The following ATP10B variants were observed in gnomAD, a reference collection of about 807,000 sequenced individuals.
ATP10B encodes phospholipid-transporting ATPase VB.
A neutral mutation model predicts 141.2 loss-of-function variants in ATP10B; 122 were observed. The ratio of observed to expected loss-of-function variants is 0.86; its 90% CI spans 0.75 to 1.00. The LOEUF is 1.00. ATP10B is among the 50% of genes least tolerant of loss of function. The pLI is 0.00. For synonymous variants in ATP10B, 685 were observed against 692.0 expected, an observed-to-expected ratio of 0.99 and a Z score of 0.16; for missense variants, 1,876 against 1,825.3, an observed-to-expected ratio of 1.03 and a Z score of -0.51.
At chr5:160,893,947 A>AG in the ATP10B span, among the ~76,000 whole-genome samples, 1 of 152,208 alleles carries the variant, frequency 6.6e-6, no homozygotes, top group Non-Finnish European at 1.5e-5. Context: ...CCTGCAGCAG[A>AG]GGGGGCTGAC....
chr5:160,616,897 G>T (rs141546553), intron 16 of ATP10B, among the ~76,000 whole-genome samples: 20 of 152,300 alleles, frequency 1.3e-4, no homozygotes, highest in African/African-American at 4.8e-4. Context: ...TGTCCCAGGT[G>T]CTGCACATGT....
chr5:160,828,843 G>A (rs1193618399), intron 1 of ATP10B, among the ~76,000 whole-genome samples: 1 of 151,098 alleles, frequency 6.6e-6, no homozygotes, highest in South Asian at 2.1e-4. Flanking sequence ...TTAAGAAAAT[G>A]TGGCACATAT....
At chr5:160,868,657 A>G in the ATP10B span, among the ~76,000 whole-genome samples, 2 of 152,180 alleles carry the variant, frequency 1.3e-5, no homozygotes, top group South Asian at 2.1e-4. Context: ...GGACAAATCA[A>G]TAGCATGATG....
Position 160,563,628 on chromosome 5 carries a change from A to G in ATP10B, c.*1825T>C, listed in dbSNP as rs1754376596. 6.6e-6 allele frequency: 1 copy of G among 152,314 alleles called. No individual in the cohort carries two copies. The highest frequency in any genetic ancestry group is 2.1e-4 in the South Asian group (1 of 4,820). The allele number at this position is 152,314 out of a possible 1,614,324, so 9.4% of individuals were successfully genotyped here. On this transcript the variant is annotated 3_prime_UTR_variant, in exon 26 of 26. Transcript: ENST00000327245. ...CTATGTCAAGCCTGGGAAGAAAGGCAGTTCTAATCAACTTGCAGGTGTGGC... is the reference window on the plus strand; with the variant it reads ...CTATGTCAAGCCTGGGAAGAAAGGCGGTTCTAATCAACTTGCAGGTGTGGC...
chr5:160,769,574 T>C (rs1368245072), intron 2 of ATP10B, among the ~76,000 whole-genome samples: 1 of 148,394 alleles, frequency 6.7e-6, no homozygotes, highest in Non-Finnish European at 1.5e-5. Flanking sequence ...TGCTCTTCCC[T>C]AGGTACTAAG....
At chr5:160,600,705 G>T (rs921926921) in intron 21 of ATP10B, among the ~76,000 whole-genome samples, 1 of 152,202 alleles carries the variant, frequency 6.6e-6, no homozygotes. Flanking sequence ...TTTGTACCTT[G>T]CAGGGAGTGC....
intron 2 of ATP10B, among the ~76,000 whole-genome samples, chr5:160,757,159 T>G (rs1768678521): frequency 6.6e-6 from 1 of 152,230 alleles, no homozygotes; most frequent in African/African-American, 2.4e-5. Flanking sequence ...TTTTTACATA[T>G]GACTATTCAA....
chr5:160,643,608 C>T (rs1760044125), intron 9 of ATP10B, among the ~76,000 whole-genome samples: 1 of 152,090 alleles, frequency 6.6e-6, no homozygotes, highest in South Asian at 2.1e-4. Flanking sequence ...TATATGGAGC[C>T]ATAAAATAAA....
In ATP10B at chr5:160,717,034, T is replaced by C. The variant is rs900412879; in HGVS notation, c.-330A>G. 1.0e-6 allele frequency: 1 copy of C among 985,306 alleles called. No individual in the cohort carries two copies. Among genetic ancestry groups the C allele is most frequent in the South Asian group, 4.7e-5 (1 of 21,296 alleles). The allele number at this position is 985,306 out of a possible 1,614,324, so 61.0% of individuals were successfully genotyped here. A position where few individuals can be genotyped will look rare whatever the true frequency, so the allele number is the denominator to read the frequency against. The stretch of plus-strand genomic sequence containing the variant: ...TTGTTGATCAGAATAAATTGCAAGT[T>C]CTGTAAGCAAGAAAAGAAAATATTG... On this transcript the variant is annotated splice_region_variant and 5_prime_UTR_variant, in exon 3 of 26. Transcript: ENST00000327245.
chr5:160,589,270 C>CCA (rs1018845367), intron 24 of ATP10B, among the ~76,000 whole-genome samples: 65 of 152,286 alleles, frequency 4.3e-4, no homozygotes, highest in African/African-American at 1.5e-3. Context: ...CCTCGGCCTC[C>CCA]CAAAGTGCTG....
At chr5:160,597,976 G>A (rs1162513088) in intron 22 of ATP10B, among the ~76,000 whole-genome samples, 1 of 145,820 alleles carries the variant, frequency 6.9e-6, no homozygotes. Context: ...CATTGTGGAA[G>A]TCAGTGTGGG....
intron 2 of ATP10B, among the ~76,000 whole-genome samples, chr5:160,719,235 C>T (rs1450330297): frequency 1.3e-5 from 2 of 152,106 alleles, no homozygotes; most frequent in African/African-American, 4.8e-5. Flanking sequence ...CCTGTCTCTA[C>T]TAAAAATACA....
intron 10 of ATP10B, among the ~76,000 whole-genome samples, chr5:160,639,710 A>G (rs1032313236): frequency 6.6e-6 from 1 of 152,204 alleles, no homozygotes; most frequent in Non-Finnish European, 1.5e-5. Flanking sequence ...ATTTTTCCAC[A>G]GTCAGTGGGG....
At chr5:160,709,760 CT>C (rs1765254829) in intron 3 of ATP10B, among the ~76,000 whole-genome samples, 1 of 65,116 alleles carries the variant, frequency 1.5e-5, no homozygotes, top group African/African-American at 6.2e-5. Flanking sequence ...CCCTCCCCCC[CT>C]CCCCCGACCC....
chr5:160,796,129 G>T (rs1368724076), intron 1 of ATP10B, among the ~76,000 whole-genome samples: 1 of 152,072 alleles, frequency 6.6e-6, no homozygotes, highest in African/African-American at 2.4e-5. Context: ...AGATATGGAG[G>T]ACACCCTTAT....
At chr5:160,589,954 A>G (rs2287666) in intron 23 of ATP10B, among the ~76,000 whole-genome samples, 120,265 of 152,118 alleles carry the variant, frequency 0.79, 47,677 homozygotes, top group Middle Eastern at 0.87. Flanking sequence ...GACAGAATTC[A>G]TTGAGAGCCC....
In ATP10B at chr5:160,817,639, C is replaced by A. The variant is rs1007056096; in HGVS notation, c.-575-31836G>T. 1.4e-3 allele frequency among the ~76,000 whole-genome samples: 207 copies of A among 152,064 alleles called. 1 individual carries two copies. Among genetic ancestry groups the A allele is most frequent in the African/African-American group, 1.6e-3 (68 of 41,528 alleles). ...CCAATGACTTTCTTCACAGAATTGG[C>A]AAAAACTACTTTAAAGTTCATATGG... On this transcript the variant is annotated intron_variant, in intron 1 of 25. Transcript: ENST00000327245.
At chr5:160,676,608 G>C (rs1289881473) in intron 6 of ATP10B, among the ~76,000 whole-genome samples, 1 of 152,192 alleles carries the variant, frequency 6.6e-6, no homozygotes, top group Non-Finnish European at 1.5e-5. Context: ...CACATGGGGA[G>C]TGTTTAGTAA....
At chr5:160,792,658 T>C (rs543001360) in intron 1 of ATP10B, among the ~76,000 whole-genome samples, 2 of 152,272 alleles carry the variant, frequency 1.3e-5, no homozygotes, top group African/African-American at 2.4e-5. Flanking sequence ...GACTCAGGAA[T>C]ACCTGCTGCT....
Sources: allele counts gnomAD v4.1 joint callset (sites outside exome capture counted in the v4.1 genomes callset), GRCh38; gene constraint gnomAD v4.1.1; transcripts MANE v1.5; gene names NCBI Gene and HGNC (gene_info 2026-07-23, HGNC 2026-07-21).